Variants in SLC22A15 observed in about 807,000 individuals in gnomAD.
SLC22A15 encodes the protein solute carrier family 22 member 15, also known as flipt 1.
In SLC22A15, 45 loss-of-function variants were observed where a neutral mutation model predicts 62.7. The observed-to-expected ratio is 0.72, with a 90% CI of 0.56 to 0.92. The LOEUF (loss-of-function observed/expected upper bound fraction) is 0.92. Ranked by LOEUF, SLC22A15 falls within the 40% of genes least tolerant of loss-of-function variation. SLC22A15 has a pLI of 0.00. For missense variants in SLC22A15, 622 were observed against 665.6 expected, an observed-to-expected ratio of 0.93 and a Z score of 0.72; for synonymous variants, 264 against 267.0, an observed-to-expected ratio of 0.99 and a Z score of 0.11.
rs558964036 is a variant in SLC22A15, at chr1:116,038,781, AT to A, written c.1171+1403del. Among the ~76,000 whole-genome samples the A allele has an allele frequency of 3.5e-3, 518 of 148,876 alleles. 2 individuals carry two copies. Among genetic ancestry groups the A allele is most frequent in the Middle Eastern group, 0.01 (3 of 288 alleles). ...ACAGGTACCTTGAGAATTCAGTTTC[AT>A]TTTTTTTTTAAGCTGCAATAATAGT... On this transcript the variant is annotated intron_variant, in intron 8 of 11. Transcript: ENST00000369503.
intron 5 of SLC22A15, among the ~76,000 whole-genome samples, chr1:116,027,950 G>C (rs989592877): frequency 1.6e-4 from 25 of 152,078 alleles, no homozygotes; most frequent in Admixed American, 1.6e-3. Flanking sequence ...TATATGAAAG[G>C]CTTTTCTTCC....
intron 1 of SLC22A15, among the ~76,000 whole-genome samples, chr1:115,989,148 C>T (rs1202850178): frequency 6.6e-6 from 1 of 151,080 alleles, no homozygotes; most frequent in Non-Finnish European, 1.5e-5. Flanking sequence ...GGTGTGTGTG[C>T]ATGTGCAGGA....
chr1:116,026,955 A>T lies in SLC22A15; in HGVS notation c.661A>T (p.Ile221Phe). 6.2e-7 allele frequency: 1 copy of T among 1,613,838 alleles called. No individual in the cohort carries two copies. Residue 221 changes from isoleucine to phenylalanine, a missense_variant, in exon 5 of 12, where the codon ATC becomes TTC. Ile to Phe is a conservative substitution (Grantham distance 21, BLOSUM62 0). Coordinates refer to ENST00000369503, the MANE Select transcript of SLC22A15 (RefSeq NM_018420.3). ...CCAATATGCCCTGTTAGGATACTTC[A>T]TCCGCTCCTGGAGGACCCTAGCCAT... ...IAQYALLGYFIRSWRTLAILV... is the reference protein window; with the variant it reads ...IAQYALLGYFFRSWRTLAILV...
intron 7 of SLC22A15, among the ~76,000 whole-genome samples, chr1:116,036,541 G>A (rs887709214): frequency 2.0e-5 from 3 of 152,116 alleles, no homozygotes; most frequent in Admixed American, 1.3e-4. Flanking sequence ...TTTGCCATGT[G>A]TTCGTTTTAT....
At chr1:116,029,031 T>G (rs552622028) in intron 5 of SLC22A15, among the ~76,000 whole-genome samples, 16 of 152,328 alleles carry the variant, frequency 1.1e-4, no homozygotes, top group Admixed American at 1.0e-3. Context: ...CTTTCTAAAC[T>G]GAGAGCTCTC....
intron 9 of SLC22A15, among the ~76,000 whole-genome samples, chr1:116,063,252 G>A (rs1423111430): frequency 6.6e-6 from 1 of 152,128 alleles, no homozygotes; most frequent in African/African-American, 2.4e-5. Context: ...TTCTCACAGA[G>A]CCTACATTTT....
At chr1:116,031,878 C>A in intron 6 of SLC22A15, 1 of 1,175,194 alleles carries the variant, frequency 8.5e-7, no homozygotes, top group Non-Finnish European at 1.1e-6. Context: ...AGCCTTCCTG[C>A]CCCTTCCCCT....
intron 5 of SLC22A15, among the ~76,000 whole-genome samples, chr1:116,030,549 G>C (rs1245327253): frequency 6.6e-6 from 1 of 152,206 alleles, no homozygotes; most frequent in Middle Eastern, 3.4e-3. Context: ...AGGTAAAATG[G>C]GGAAGAGGCA....
At chr1:116,062,308 CTG>C (rs1431646341) in intron 8 of SLC22A15, among the ~76,000 whole-genome samples, 5 of 152,200 alleles carry the variant, frequency 3.3e-5, no homozygotes, top group Non-Finnish European at 7.3e-5. Context: ...AGAATGCAAA[CTG>C]CATATAAGAG....
chr1:116,040,648 A>C (rs1657754332), intron 8 of SLC22A15, among the ~76,000 whole-genome samples: 1 of 152,004 alleles, frequency 6.6e-6, no homozygotes, highest in Admixed American at 6.6e-5. Flanking sequence ...ACAGGGTCTC[A>C]CTCTGTTTCC....
intron 2 of SLC22A15, among the ~76,000 whole-genome samples, chr1:115,997,326 T>C (rs946391995): frequency 6.6e-6 from 1 of 152,166 alleles, no homozygotes; most frequent in African/African-American, 2.4e-5. Context: ...GATTTTTTTC[T>C]GTTTCTGTGA....
chr1:115,987,390 T>C (rs1486496943), intron 1 of SLC22A15, among the ~76,000 whole-genome samples: 2 of 152,226 alleles, frequency 1.3e-5, no homozygotes, highest in African/African-American at 4.8e-5. Context: ...GGTCTCGATC[T>C]CCTGACCTTG....
At chr1:116,061,904 A>AT (rs1244163374) in intron 8 of SLC22A15, among the ~76,000 whole-genome samples, 1 of 152,084 alleles carries the variant, frequency 6.6e-6, no homozygotes, top group African/African-American at 2.4e-5. Context: ...TCATATTTAG[A>AT]TTCTTGTTAT....
At chr1:116,043,670 A>C (rs1570763688) in intron 8 of SLC22A15, among the ~76,000 whole-genome samples, 1 of 152,258 alleles carries the variant, frequency 6.6e-6, no homozygotes, top group South Asian at 2.1e-4. Flanking sequence ...GAAAACAAAC[A>C]ATGGAGAAAA....
intron 6 of SLC22A15, among the ~76,000 whole-genome samples, chr1:116,033,452 C>T (rs781380528): frequency 2.6e-5 from 4 of 152,074 alleles, no homozygotes; most frequent in Non-Finnish European, 5.9e-5. Context: ...TCCCCGTTCT[C>T]TCTCACCACC....
intron 8 of SLC22A15, among the ~76,000 whole-genome samples, chr1:116,051,468 ACACCC>A (rs1357634268): frequency 6.6e-6 from 1 of 152,208 alleles, no homozygotes; most frequent in Admixed American, 6.5e-5. Context: ...TGGGGAAAGG[ACACCC>A]TTTTCAACAT....
intron 9 of SLC22A15, 57 bp from the exon 10 acceptor site, chr1:116,064,378 AG>A (rs1553226838): frequency 4.6e-6 from 6 of 1,303,838 alleles, no homozygotes; most frequent in Non-Finnish European, 6.6e-6. Flanking sequence ...CTGCCCCCCA[AG>A]GGTCTCTTAA....
At chr1:115,987,840 T>C (rs1654948467) in intron 1 of SLC22A15, among the ~76,000 whole-genome samples, 1 of 152,220 alleles carries the variant, frequency 6.6e-6, no homozygotes, top group Non-Finnish European at 1.5e-5. Context: ...TATATAACAT[T>C]GAACAATTTA....
intron 11 of SLC22A15, 79 bp from the exon 12 acceptor site, chr1:116,066,940 T>C: frequency 8.6e-7 from 1 of 1,162,230 alleles, no homozygotes; most frequent in Non-Finnish European, 1.3e-6. Context: ...CATTTGTCAG[T>C]TGAATAGCTA....
Sources: allele counts gnomAD v4.1 joint callset (sites outside exome capture counted in the v4.1 genomes callset), GRCh38; gene constraint gnomAD v4.1.1; transcripts MANE v1.5; gene names NCBI Gene and HGNC (gene_info 2026-07-23, HGNC 2026-07-21).